Variants in BMP5 observed in about 807,000 individuals in gnomAD.
BMP5 encodes bone morphogenetic protein 5.
A neutral mutation model predicts 46.6 loss-of-function variants in BMP5; 23 were observed. The observed-to-expected ratio is 0.49, with a 90% confidence interval of 0.35 to 0.70. The LOEUF is 0.70. Among genes scored for constraint, BMP5 ranks in the 30% least tolerant of loss-of-function variants. The probability of loss-of-function intolerance (pLI) is 0.00; values close to 1 mark genes in which losing one functional copy is unlikely to be tolerated. For synonymous variants in BMP5, 204 were observed against 191.9 expected, an observed-to-expected ratio of 1.06 and a Z score of -0.52; for missense variants, 545 against 565.6, an observed-to-expected ratio of 0.96 and a Z score of 0.37.
Position 55,847,084 on chromosome 6 carries a change from G to A in BMP5, c.491-27237C>T, listed in dbSNP as rs1182484151. Among the ~76,000 whole-genome samples, 5 of 151,872 alleles carry A rather than the reference G, an allele frequency of 3.3e-5. No homozygotes were observed. In the East Asian group the frequency reaches 9.7e-4, roughly 29 times the overall value. On this transcript the variant is annotated intron_variant, in intron 1 of 6. Transcript: ENST00000370830. The stretch of plus-strand genomic sequence containing the variant: ...ATACCCTCTATTCCATTATCTCATA[G>A]ACTAGGCACTGCAGTTCCTATTTTA...
intron 3 of BMP5, among the ~76,000 whole-genome samples, chr6:55,791,097 C>A (rs1356606243): frequency 6.6e-6 from 1 of 152,082 alleles, no homozygotes; most frequent in Non-Finnish European, 1.5e-5. Context: ...TAGAAGAAAA[C>A]GTTAGGAATA....
chr6:55,846,927 A>G (rs981901891), intron 1 of BMP5, among the ~76,000 whole-genome samples: 1 of 151,410 alleles, frequency 6.6e-6, no homozygotes, highest in African/African-American at 2.4e-5. Context: ...AATGGTTTTC[A>G]TTTCAGGGAA....
intron 3 of BMP5, among the ~76,000 whole-genome samples, chr6:55,778,059 C>T (rs773791133): frequency 4.6e-5 from 7 of 152,126 alleles, no homozygotes; most frequent in African/African-American, 1.4e-4. Context: ...CAAAGCTGAG[C>T]GGAGCAGCAA....
chr6:55,819,497 G>A (rs1776357077), intron 2 of BMP5, among the ~76,000 whole-genome samples, 158 bp downstream of exon 2: 1 of 152,076 alleles, frequency 6.6e-6, no homozygotes, highest in African/African-American at 2.4e-5. Flanking sequence ...TTTTCAGATC[G>A]ATTACGGTTA....
chr6:55,779,048 G>T (rs1476929761), intron 3 of BMP5, among the ~76,000 whole-genome samples: 6 of 152,044 alleles, frequency 3.9e-5, no homozygotes, highest in Non-Finnish European at 5.9e-5. Context: ...TGGAAAATAT[G>T]ATTTTCAAAA....
At chr6:55,841,801 T>G (rs945890215) in intron 1 of BMP5, among the ~76,000 whole-genome samples, 1 of 152,156 alleles carries the variant, frequency 6.6e-6, no homozygotes, top group South Asian at 2.1e-4. Flanking sequence ...TAACTTAATC[T>G]CATTTTAAAT....
intron 1 of BMP5, among the ~76,000 whole-genome samples, chr6:55,859,060 T>C (rs375281595): frequency 1.2e-4 from 19 of 152,290 alleles, no homozygotes; most frequent in East Asian, 3.9e-4. Flanking sequence ...CAAACCACCA[T>C]GGCACATGTA....
chr6:55,780,497 A>G (rs1775290628), intron 3 of BMP5, among the ~76,000 whole-genome samples: 1 of 151,252 alleles, frequency 6.6e-6, no homozygotes, highest in African/African-American at 2.4e-5. Flanking sequence ...AAAGAAAGAA[A>G]GAAACGTGGT....
At chr6:55,815,209 A>G in intron 2 of BMP5, among the ~76,000 whole-genome samples, 1 of 151,948 alleles carries the variant, frequency 6.6e-6, no homozygotes, top group East Asian at 1.9e-4. Context: ...AAAAATAATT[A>G]GTAAAACATT....
intron 1 of BMP5, among the ~76,000 whole-genome samples, chr6:55,845,248 T>C (rs935226572): frequency 6.6e-6 from 1 of 152,050 alleles, no homozygotes; most frequent in African/African-American, 2.4e-5. Flanking sequence ...AACTAATCAG[T>C]TGTGCTGAGA....
intron 6 of BMP5, 51 bp downstream of exon 6, chr6:55,758,954 T>C: frequency 8.2e-7 from 1 of 1,217,874 alleles, no homozygotes; most frequent in Non-Finnish European, 1.2e-6. Context: ...AACAACTTTA[T>C]AATATGCTTG....
intron 1 of BMP5, among the ~76,000 whole-genome samples, chr6:55,863,746 T>C (rs1429053517): frequency 6.6e-6 from 1 of 152,190 alleles, no homozygotes; most frequent in Non-Finnish European, 1.5e-5. Context: ...ATCATAGCCA[T>C]CATAATGTAG....
intron 3 of BMP5, among the ~76,000 whole-genome samples, chr6:55,783,953 C>A (rs777505756): frequency 7.2e-5 from 11 of 152,052 alleles, no homozygotes; most frequent in Admixed American, 2.0e-4. Context: ...CCACAACTAA[C>A]TCCTGTTTGT....
chr6:55,758,778 C>CA (rs1340097952), intron 6 of BMP5, among the ~76,000 whole-genome samples: 6 of 151,782 alleles, frequency 4.0e-5, no homozygotes, highest in Admixed American at 2.0e-4. Flanking sequence ...GTTATTACTC[C>CA]AGTTTTCCTA....
At chr6:55,815,635 A>C (rs780505339) in intron 2 of BMP5, among the ~76,000 whole-genome samples, 1 of 152,164 alleles carries the variant, frequency 6.6e-6, no homozygotes, top group Non-Finnish European at 1.5e-5. Context: ...AAACATTAAG[A>C]GTAATATTTT....
intron 3 of BMP5, among the ~76,000 whole-genome samples, chr6:55,781,257 T>G (rs1222768883): frequency 6.6e-6 from 1 of 152,148 alleles, no homozygotes; most frequent in Admixed American, 6.6e-5. Context: ...TGAATTATTT[T>G]TCTTCTTCTT....
intron 3 of BMP5, among the ~76,000 whole-genome samples, chr6:55,785,197 T>C (rs1007513301): frequency 3.3e-5 from 5 of 151,866 alleles, no homozygotes; most frequent in South Asian, 2.1e-4. Context: ...AAAGAACAAA[T>C]TGATATTGGC....
rs561455260 is a variant in BMP5, at chr6:55,773,007, T to C, written c.1027+1042A>G. On this transcript the variant is annotated intron_variant, in intron 4 of 6. Coordinates refer to ENST00000370830, the MANE Select transcript of BMP5 (RefSeq NM_021073.4). The stretch of plus-strand genomic sequence containing the variant: ...TAATAAATAGCTGCTGTATGACCTG[T>C]CATTTTCAAGTAACCTGAGAAAAAT... 9.8e-5 allele frequency: 77 copies of C among 789,110 alleles called. No homozygotes were observed. The African/African-American group carries it at 1.3e-3, about 13-fold the overall frequency. 48.9% of individuals were successfully genotyped at this position (789,110 alleles called of 1,614,324 possible). A position where few individuals can be genotyped will look rare whatever the true frequency, so the allele number is the denominator to read the frequency against.
intron 3 of BMP5, among the ~76,000 whole-genome samples, chr6:55,788,783 A>C (rs1000675223): frequency 6.6e-6 from 1 of 151,752 alleles, no homozygotes; most frequent in Non-Finnish European, 1.5e-5. Flanking sequence ...TTTCCTAATG[A>C]TTTCTTTTTA....
Sources: allele counts gnomAD v4.1 joint callset (sites outside exome capture counted in the v4.1 genomes callset), GRCh38; gene constraint gnomAD v4.1.1; transcripts MANE v1.5; gene names NCBI Gene and HGNC (gene_info 2026-07-23, HGNC 2026-07-21).